The following NKAIN3 variants were observed in gnomAD, a reference collection of about 807,000 sequenced individuals.
The protein encoded by NKAIN3 is sodium/potassium transporting ATPase interacting 3.
In NKAIN3, 25 loss-of-function variants were observed where a neutral mutation model predicts 30.2. The observed-to-expected ratio is 0.83, with a 90% confidence interval of 0.60 to 1.16. The LOEUF (loss-of-function observed/expected upper bound fraction) is 1.16, where lower values mean the gene tolerates loss of function less well. Among genes scored for constraint, NKAIN3 ranks in the 50% most tolerant of loss-of-function variants. NKAIN3 has a pLI of 0.00. For missense variants in NKAIN3, 225 were observed against 254.1 expected (o/e 0.89, Z 0.78); for synonymous variants, 91 against 89.6 (o/e 1.02, Z -0.09).
At chr8:62,501,548 G>C (rs1195020542) in intron 1 of NKAIN3, among the ~76,000 whole-genome samples, 1 of 152,010 alleles carries the variant, frequency 6.6e-6, no homozygotes, top group Non-Finnish European at 1.5e-5. Flanking sequence ...TGCTCTTGTT[G>C]TTCCTCCTAT....
At chr8:62,295,630 A>G (rs1813801652) in intron 1 of NKAIN3, among the ~76,000 whole-genome samples, 2 of 152,210 alleles carry the variant, frequency 1.3e-5, no homozygotes, top group South Asian at 2.1e-4. Context: ...GAATTCTCCA[A>G]TTCTTGCATA....
Position 62,272,365 on chromosome 8 carries a change from C to G in NKAIN3, c.54+23238C>G, listed in dbSNP as rs151181547. On this transcript the variant is annotated intron_variant, in intron 1 of 6. Coordinates refer to ENST00000623646, the MANE Select transcript of NKAIN3 (RefSeq NM_001304533.3). ...AGTTCCCAAAGCACTGAAATGCTAA[C>G]GCCAGTGATGAACAGGAAGTCCTGT... 3.9e-5 allele frequency among the ~76,000 whole-genome samples: 6 copies of G among 152,166 alleles called. No homozygotes were observed. The South Asian group carries it at 1.2e-3, about 32-fold the overall frequency.
At chr8:62,557,362 A>ACATG (rs1809433068) in intron 1 of NKAIN3, among the ~76,000 whole-genome samples, 3 of 152,154 alleles carry the variant, frequency 2.0e-5, no homozygotes, top group Admixed American at 2.0e-4. Context: ...GCTGCTATAA[A>ACATG]CATGCATGTA....
chr8:62,997,053 G>C (rs1465468228), intron 5 of NKAIN3, among the ~76,000 whole-genome samples: 1 of 152,212 alleles, frequency 6.6e-6, no homozygotes, highest in Non-Finnish European at 1.5e-5. Context: ...TGAGGACTCT[G>C]TGTGGGGGCT....
At position 62,984,279 on chromosome 8, in the gene NKAIN3, T is replaced by C. The variant is rs1824153068; in HGVS notation, c.*18872T>C. Reference sequence around the variant, plus strand: ...ATTGGAAGTACCTAGGGCATTTCATTATATTTCAAAGGCACAGGTTGCTGG... The same window carrying C: ...ATTGGAAGTACCTAGGGCATTTCATCATATTTCAAAGGCACAGGTTGCTGG... On this transcript the variant is annotated 3_prime_UTR_variant, in exon 7 of 7. Coordinates refer to ENST00000623646, the MANE Select transcript of NKAIN3 (RefSeq NM_001304533.3). 1 of 152,242 alleles carries C rather than the reference T, an allele frequency of 6.6e-6. No homozygotes were observed. Among genetic ancestry groups the C allele is most frequent in the Non-Finnish European group, 1.5e-5 (1 of 68,048 alleles). The allele number at this position is 152,242 out of a possible 1,614,324, so 9.4% of individuals were successfully genotyped here. A position where few individuals can be genotyped will look rare whatever the true frequency, so the allele number is the denominator to read the frequency against.
chr8:62,743,203 G>A (rs1262709414), intron 3 of NKAIN3, among the ~76,000 whole-genome samples: 1 of 152,020 alleles, frequency 6.6e-6, no homozygotes, highest in Non-Finnish European at 1.5e-5. Context: ...AGTGATTTGT[G>A]TTTCTTTTTC....
rs573602663 is a variant in NKAIN3, at chr8:62,316,839, T to TC, written c.54+67712_54+67713insC. 9.7e-4 allele frequency among the ~76,000 whole-genome samples: 148 copies of TC among 152,300 alleles called. 3 individuals are homozygous for TC. The East Asian group carries it at 0.026, about 27-fold the overall frequency. The stretch of plus-strand genomic sequence containing the variant: ...AAATGGTATTTCTAGTTCTAGATCC[T>TC]GAGGAATCGCCACACTAACTTCCAC... On this transcript the variant is annotated intron_variant, in intron 1 of 6. Coordinates refer to ENST00000623646, the MANE Select transcript of NKAIN3 (RefSeq NM_001304533.3).
At chr8:62,391,877 A>G (rs1817592590) in intron 1 of NKAIN3, among the ~76,000 whole-genome samples, 1 of 151,082 alleles carries the variant, frequency 6.6e-6, no homozygotes. Context: ...CAGAGCATCA[A>G]AAATGTCACA....
intron 3 of NKAIN3, among the ~76,000 whole-genome samples, chr8:62,661,987 A>G (rs563694533): frequency 9.9e-5 from 15 of 152,264 alleles, no homozygotes; most frequent in Admixed American, 7.8e-4. Flanking sequence ...AGGTCTTACT[A>G]GTATATTTCA....
In NKAIN3 at chr8:62,291,088, C is replaced by G. The variant is rs543555876; in HGVS notation, c.54+41961C>G. 2.0e-5 allele frequency among the ~76,000 whole-genome samples: 3 copies of G among 152,154 alleles called. No individual in the cohort carries two copies. In the East Asian group the frequency reaches 5.8e-4, roughly 29 times the overall value. On this transcript the variant is annotated intron_variant, in intron 1 of 6. Transcript: ENST00000623646. ...TTCTGTGGGATCAGTGGTGATATCC[C>G]CCTTATCATTTTTTATTGCATCTAT... is the stretch of plus-strand genomic sequence containing the variant.
chr8:62,354,300 A>G (rs944272329), intron 1 of NKAIN3, among the ~76,000 whole-genome samples: 1 of 152,148 alleles, frequency 6.6e-6, no homozygotes, highest in African/African-American at 2.4e-5. Flanking sequence ...AGTAAACTGG[A>G]GAATATAGAG....
intron 4 of NKAIN3, among the ~76,000 whole-genome samples, chr8:62,811,351 GA>G (rs570099902): frequency 3.5e-4 from 53 of 152,014 alleles, no homozygotes; most frequent in African/African-American, 1.1e-3. Flanking sequence ...GTTTTTATGT[GA>G]AAAAAAGTTT....
At chr8:62,926,525 TG>T (rs111373594) in intron 5 of NKAIN3, among the ~76,000 whole-genome samples, 7,263 of 152,230 alleles carry the variant, frequency 0.048, 555 homozygotes, top group African/African-American at 0.16. Context: ...TCTTCATCAC[TG>T]CTTTCTCCAA....
intron 4 of NKAIN3, among the ~76,000 whole-genome samples, chr8:62,864,494 T>C (rs1820360412): frequency 6.6e-6 from 1 of 152,154 alleles, no homozygotes; most frequent in East Asian, 1.9e-4. Context: ...GAATATAATC[T>C]TGATGAGCCA....
intron 5 of NKAIN3, among the ~76,000 whole-genome samples, chr8:62,941,474 A>G (rs1372929961): frequency 6.6e-6 from 1 of 152,052 alleles, no homozygotes; most frequent in Non-Finnish European, 1.5e-5. Context: ...ACTACAGACC[A>G]ATACCCCTGA....
At chr8:62,863,621 A>C in intron 4 of NKAIN3, 1 of 1,199,086 alleles carries the variant, frequency 8.3e-7, no homozygotes, top group Admixed American at 1.7e-5. Flanking sequence ...GAGCTGGATC[A>C]CCATGTCTTT....
chr8:62,673,460 G>A (rs1050640348), intron 3 of NKAIN3, among the ~76,000 whole-genome samples: 1 of 152,136 alleles, frequency 6.6e-6, no homozygotes, highest in East Asian at 1.9e-4. Flanking sequence ...AAAAAGGAAG[G>A]GACCAAAGAG....
intron 1 of NKAIN3, among the ~76,000 whole-genome samples, chr8:62,548,158 T>C (rs1809076479): frequency 6.6e-6 from 1 of 152,180 alleles, no homozygotes; most frequent in Admixed American, 6.5e-5. Context: ...GAAATTCAAT[T>C]TCTACTGTGA....
intron 5 of NKAIN3, among the ~76,000 whole-genome samples, chr8:62,931,932 G>A (rs535366713): frequency 6.6e-6 from 1 of 152,192 alleles, no homozygotes; most frequent in East Asian, 1.9e-4. Flanking sequence ...TTTTAAGTAG[G>A]CTGCTAACTC....
Sources: gnomAD v4.1 joint callset for allele counts (sites outside exome capture counted in the v4.1 genomes callset) on GRCh38, gnomAD v4.1.1 for gene constraint, MANE v1.5 for transcripts, NCBI Gene and HGNC (gene_info 2026-07-23, HGNC 2026-07-21) for gene names.